TBCD: variants seen among roughly 807,000 people sequenced by gnomAD.
The protein encoded by TBCD is tubulin-specific chaperone D.
Under a neutral mutation model 169.3 loss-of-function variants are expected in TBCD, and 105 were observed. The observed-to-expected ratio is 0.62, with a 90% CI of 0.53 to 0.73. The LOEUF is 0.73. Among genes scored for constraint, TBCD ranks in the 30% least tolerant of loss-of-function variants. The pLI, the probability that TBCD is intolerant of heterozygous loss-of-function variation, is 0.00. For synonymous variants in TBCD, 700 were observed against 643.9 expected (o/e 1.09, Z -1.32); for missense variants, 1,444 against 1,600.1 (o/e 0.90, Z 1.66).
At chr17:82,821,032 T>C (rs1255591900) in intron 13 of TBCD, among the ~76,000 whole-genome samples, 1 of 152,184 alleles carries the variant, frequency 6.6e-6, no homozygotes, top group Non-Finnish European at 1.5e-5. Context: ...CACGGCTTAC[T>C]GCAGCCTCAA....
At chr17:82,895,059 T>A (rs1274081794) in intron 17 of TBCD, among the ~76,000 whole-genome samples, 1 of 152,238 alleles carries the variant, frequency 6.6e-6, no homozygotes, top group Admixed American at 6.5e-5. Context: ...CATATTTCCC[T>A]TGTTGCTGAG....
chr17:82,935,786 T>C (rs1287517588), intron 34 of TBCD, among the ~76,000 whole-genome samples: 1 of 152,234 alleles, frequency 6.6e-6, no homozygotes, highest in Admixed American at 6.5e-5. Context: ...TTGCGTTACT[T>C]TGAATTTTCC....
Position 82,902,629 on chromosome 17 carries a change from A to G in TBCD, c.1731-776A>G, listed in dbSNP as rs531061036. ...AGGGGCTGTGGCAGGTGGTCCTGCC[A>G]GCGCGGGCGTCTGCCATTGTGCCTG... On this transcript the variant is annotated intron_variant, in intron 18 of 38. Coordinates refer to ENST00000355528, the MANE Select transcript of TBCD (RefSeq NM_005993.5). Among the ~76,000 whole-genome samples, 9 of 152,380 alleles carry G rather than the reference A, an allele frequency of 5.9e-5. No homozygotes were observed. The South Asian group carries it at 1.4e-3, about 25-fold the overall frequency.
intron 2 of TBCD, among the ~76,000 whole-genome samples, chr17:82,762,994 T>G (rs150812769): frequency 1.3e-5 from 2 of 152,326 alleles, no homozygotes; most frequent in African/African-American, 2.4e-5. Flanking sequence ...TGGTCTGTTT[T>G]GTTGAACATT....
chr17:82,867,491 A>G (rs553948011), intron 13 of TBCD, among the ~76,000 whole-genome samples: 1 of 152,304 alleles, frequency 6.6e-6, no homozygotes, highest in South Asian at 2.1e-4. Flanking sequence ...TTCCTCTTGA[A>G]GGTGCCACAG....
At chr17:82,755,790 G>A (rs1036288251) in intron 1 of TBCD, among the ~76,000 whole-genome samples, 3 of 152,196 alleles carry the variant, frequency 2.0e-5, no homozygotes, top group Non-Finnish European at 2.9e-5. Flanking sequence ...TGCCAGGGAT[G>A]TGTGTCTCAC....
Position 82,870,259 on chromosome 17 carries a change from G to A in TBCD, c.1354G>A (p.Glu452Lys), listed in dbSNP as rs1261617293. The stretch of plus-strand genomic sequence containing the variant: ...GATCCTGAAGGCGCTGACCTACGAC[G>A]AGAAGCGGGGTGCCTGCAGCGTGGG... ...AVILKALTYD[E>K]KRGACSVGTN... The change falls in exon 14 of 39, where the codon GAG (glutamate) becomes AAG (lysine). Residue 452 changes from glutamate (E) to lysine (K), a missense_variant. Transcript: ENST00000355528. 3.7e-6 allele frequency: 6 copies of A among 1,613,296 alleles called. No homozygotes were observed. Among genetic ancestry groups the A allele is most frequent in the African/African-American group, 2.7e-5 (2 of 74,938 alleles).
At chr17:82,906,662 C>T (rs2060269889) in intron 20 of TBCD, among the ~76,000 whole-genome samples, 1 of 152,234 alleles carries the variant, frequency 6.6e-6, no homozygotes, top group Admixed American at 6.5e-5. Context: ...CGGCAACCTG[C>T]TTCTCGGACT....
chr17:82,847,140 A>T (rs1201068426), intron 13 of TBCD, among the ~76,000 whole-genome samples: 1 of 152,110 alleles, frequency 6.6e-6, no homozygotes, highest in Non-Finnish European at 1.5e-5. Context: ...TCATGAGGTC[A>T]GGAGATCGAG....
At chr17:82,795,414 CCACAGCTG>C in intron 7 of TBCD, 1 of 400,508 alleles carries the variant, frequency 2.5e-6, no homozygotes, top group South Asian at 1.0e-4. Flanking sequence ...CTGCGTCCGC[CCACAGCTG>C]CACAGCTGCT....
intron 14 of TBCD, among the ~76,000 whole-genome samples, chr17:82,883,006 C>G (rs2058473089): frequency 6.6e-6 from 1 of 152,204 alleles, no homozygotes; most frequent in Admixed American, 6.5e-5. Context: ...AGCTTGCTCT[C>G]TCTGCAGTGG....
At chr17:82,780,299 ACTTTT>A (rs2048861677) in intron 6 of TBCD, among the ~76,000 whole-genome samples, 1 of 150,984 alleles carries the variant, frequency 6.6e-6, no homozygotes. Flanking sequence ...TTCCTTCGTA[ACTTTT>A]CTTTGCACTG....
chr17:82,938,420 C>A (rs190557209), intron 36 of TBCD, among the ~76,000 whole-genome samples: 2 of 152,330 alleles, frequency 1.3e-5, no homozygotes, highest in African/African-American at 4.8e-5. Context: ...AGGACCCAGG[C>A]TGAAGTGGTT....
intron 13 of TBCD, among the ~76,000 whole-genome samples, chr17:82,843,002 G>T (rs978781118): frequency 6.6e-6 from 1 of 151,668 alleles, no homozygotes; most frequent in African/African-American, 2.4e-5. Flanking sequence ...GGATGGTCTC[G>T]ATCTCCTGAC....
At position 82,831,923 on chromosome 17, in the gene TBCD, C is replaced by T; in HGVS notation, c.1318+16989C>T. 1 of 1,614,174 alleles carries T rather than the reference C, an allele frequency of 6.2e-7. No individual in the cohort carries two copies. The highest frequency in any genetic ancestry group is 1.1e-5 in the South Asian group (1 of 91,072). On this transcript the variant is annotated intron_variant, in intron 13 of 38. Coordinates refer to ENST00000355528, the MANE Select transcript of TBCD (RefSeq NM_005993.5). The surrounding 1 kb of genome is among the most constrained non-coding windows in gnomAD (Gnocchi z 4.6). ...TTGTGTAAAGCCAGTGTCTCGGGCG[C>T]CTCGGCGTTGTCTGGCCCCTTGAGT...
intron 13 of TBCD, among the ~76,000 whole-genome samples, chr17:82,826,335 A>G (rs1305291474): frequency 6.6e-6 from 1 of 152,218 alleles, no homozygotes; most frequent in Non-Finnish European, 1.5e-5. Context: ...TGACCAAAAC[A>G]ACATAAAATA....
At chr17:82,886,278 T>G (rs893829627) in intron 15 of TBCD, 16 of 152,216 alleles carry the variant, frequency 1.1e-4, no homozygotes, top group African/African-American at 3.9e-4. Context: ...ACTCAGGCAG[T>G]CAGTGTGTGA....
intron 13 of TBCD, among the ~76,000 whole-genome samples, chr17:82,841,623 C>T (rs938393824): frequency 9.2e-5 from 14 of 152,214 alleles, no homozygotes; most frequent in Admixed American, 4.6e-4. Flanking sequence ...TGACAAAAAA[C>T]AGCAGTTCCC....
At chr17:82,753,793 T>A (rs2143740678) in intron 1 of TBCD, among the ~76,000 whole-genome samples, 1 of 151,464 alleles carries the variant, frequency 6.6e-6, no homozygotes, top group South Asian at 2.1e-4. Context: ...TAGAGTTGAT[T>A]TGTCAGGGCA....
Sources: allele counts gnomAD v4.1 joint callset (sites outside exome capture counted in the v4.1 genomes callset), GRCh38; gene constraint gnomAD v4.1.1; non-coding constraint Gnocchi (gnomAD v3.1); transcripts MANE v1.5; gene names NCBI Gene and HGNC (gene_info 2026-07-23, HGNC 2026-07-21).